The following MYRFL variants were observed in gnomAD, a reference collection of about 807,000 sequenced individuals.
MYRFL encodes myelin regulatory factor like.
A neutral mutation model predicts 109.4 loss-of-function variants in MYRFL; 88 were observed. That is an observed-to-expected ratio of 0.80 (90% CI 0.68 to 0.96). The LOEUF (loss-of-function observed/expected upper bound fraction) is 0.96. MYRFL is among the 40% of genes least tolerant of loss of function. The pLI is 0.00. For missense variants in MYRFL, 957 were observed against 954.9 expected, an observed-to-expected ratio of 1.00 and a Z score of -0.03; for synonymous variants, 324 against 320.9, an observed-to-expected ratio of 1.01 and a Z score of -0.10.
chr12:69,939,887 G>A (rs1342045747), intron 19 of MYRFL, among the ~76,000 whole-genome samples: 24 of 152,278 alleles, frequency 1.6e-4, no homozygotes, highest in Non-Finnish European at 2.1e-4. Flanking sequence ...CGAGAACTAC[G>A]TGAAGAATGC....
chr12:69,932,883 TTG>T (rs542667195), intron 16 of MYRFL, among the ~76,000 whole-genome samples: 32 of 52,670 alleles, frequency 6.1e-4, no homozygotes, highest in Admixed American at 1.0e-3. Flanking sequence ...GTGTGTGTGT[TTG>T]TGTGTGTGTG....
intron 13 of MYRFL, among the ~76,000 whole-genome samples, chr12:69,924,704 G>C (rs542516526): frequency 1.3e-5 from 2 of 152,282 alleles, no homozygotes; most frequent in South Asian, 2.1e-4. Context: ...AGGATGTATG[G>C]TAAGACTTCA....
At chr12:69,937,297 T>C (rs1469815798) in intron 19 of MYRFL, among the ~76,000 whole-genome samples, 1 of 152,034 alleles carries the variant, frequency 6.6e-6, no homozygotes, top group African/African-American at 2.4e-5. Flanking sequence ...TTATTCTATA[T>C]ATACATATTA....
At chr12:69,863,813 G>A (rs1884844712) in intron 2 of MYRFL, among the ~76,000 whole-genome samples, 1 of 152,110 alleles carries the variant, frequency 6.6e-6, no homozygotes, top group South Asian at 2.1e-4. Flanking sequence ...ACTCCCTTTA[G>A]AATTTCATTT....
In MYRFL at chr12:69,916,680, G is replaced by A. The variant is rs150192133; in HGVS notation, c.1602+5750G>A. ...TCCCACTGGCCCTTTACTGGCTACA[G>A]ACTGTTATAACCCCTCCACAATCTG... On this transcript the variant is annotated intron_variant, in intron 13 of 24. Transcript: ENST00000552032. Among the ~76,000 whole-genome samples, 923 of 152,164 alleles carry A rather than the reference G, an allele frequency of 6.1e-3. 19 individuals are homozygous for A. Among genetic ancestry groups the A allele is most frequent in the African/African-American group, 0.021 (862 of 41,502 alleles).
intron 1 of MYRFL, among the ~76,000 whole-genome samples, chr12:69,835,528 A>G (rs1400798702): frequency 6.6e-6 from 1 of 152,248 alleles, no homozygotes; most frequent in Non-Finnish European, 1.5e-5. Context: ...CTGTATTAAA[A>G]CAGTGCAAAA....
intron 15 of MYRFL, among the ~76,000 whole-genome samples, chr12:69,928,870 G>A (rs942052806): frequency 1.3e-5 from 2 of 152,226 alleles, no homozygotes; most frequent in Non-Finnish European, 2.9e-5. Context: ...GTGGGACAGA[G>A]GGAATGGTAT....
chr12:69,875,557 C>T (rs1032572950), intron 2 of MYRFL, among the ~76,000 whole-genome samples: 4 of 152,170 alleles, frequency 2.6e-5, no homozygotes, highest in African/African-American at 9.7e-5. Flanking sequence ...CCAACCCCTG[C>T]CGGTGGACTG....
At position 69,868,098 on chromosome 12, in the gene MYRFL, CT is replaced by C. The variant is rs1454241117; in HGVS notation, c.138-10920del. ...ATTTAACCCCATCAAGCCTCGGTTT[CT>C]TTTTTTTTTCTTTTTTTTTTTTTTT... is the stretch of plus-strand genomic sequence containing the variant. On this transcript the variant is annotated intron_variant, in intron 2 of 24. Coordinates refer to ENST00000552032, the MANE Select transcript of MYRFL (RefSeq NM_182530.3). Among the ~76,000 whole-genome samples the C allele has an allele frequency of 1.5e-4, 21 of 143,162 alleles. 1 individual carries two copies. The highest frequency in any genetic ancestry group is 2.2e-4 in the South Asian group (1 of 4,484). The allele number at this position is 143,162 out of a possible 152,430, so 93.9% of individuals were successfully genotyped here. A position where few individuals can be genotyped will look rare whatever the true frequency, so the allele number is the denominator to read the frequency against.
chr12:69,888,335 T>A (rs919913336), intron 6 of MYRFL, among the ~76,000 whole-genome samples: 1 of 152,218 alleles, frequency 6.6e-6, no homozygotes, highest in Non-Finnish European at 1.5e-5. Flanking sequence ...TCACTATTTA[T>A]ATCAATGAGA....
Position 69,846,591 on chromosome 12 carries a change from C to T in MYRFL, c.47-8689C>T, listed in dbSNP as rs954334558. Among the ~76,000 whole-genome samples, 120 of 152,168 alleles carry T rather than the reference C, an allele frequency of 7.9e-4. 1 individual carries two copies. The highest frequency in any genetic ancestry group is 2.9e-3 in the African/African-American group (119 of 41,524). On this transcript the variant is annotated intron_variant, in intron 1 of 24. Coordinates refer to ENST00000552032, the MANE Select transcript of MYRFL (RefSeq NM_182530.3). ...ATGTGCCACATTTTCTTAATCCAGT[C>T]TATCATTGTTGGACATTTGGGTTGG...
At chr12:69,837,880 G>C (rs754194938) in intron 1 of MYRFL, among the ~76,000 whole-genome samples, 1 of 152,080 alleles carries the variant, frequency 6.6e-6, no homozygotes, top group Non-Finnish European at 1.5e-5. Context: ...GTCTCCTATG[G>C]ACACCTGGAA....
At chr12:69,907,814 A>C (rs1338202601) in intron 11 of MYRFL, among the ~76,000 whole-genome samples, 3 of 152,204 alleles carry the variant, frequency 2.0e-5, no homozygotes, top group Admixed American at 2.0e-4. Context: ...CACTCATTGA[A>C]TCTCCAGTGC....
At chr12:69,902,977 C>A (rs1006161076) in intron 10 of MYRFL, among the ~76,000 whole-genome samples, 1 of 152,142 alleles carries the variant, frequency 6.6e-6, no homozygotes, top group Non-Finnish European at 1.5e-5. Flanking sequence ...TGGCTTTGGG[C>A]AATTTATTTA....
chr12:69,955,428 TG>T lies in MYRFL; in HGVS notation c.2443del (p.Glu815LysfsTer2). 1.6e-6 allele frequency: 1 copy of T among 643,696 alleles called. No individual in the cohort carries two copies. The highest frequency in any genetic ancestry group is 1.8e-5 in the South Asian group (1 of 55,494). The allele number at this position is 643,696 out of a possible 1,614,324, so 39.9% of individuals were successfully genotyped here. A position where few individuals can be genotyped will look rare whatever the true frequency, so the allele number is the denominator to read the frequency against. ...ACACCCACCAATGTCAAGTTCTCTC[TG>T]GAAATAAAGTAAGTGCATGGCTGTA... is the stretch of plus-strand genomic sequence containing the variant. ...KHTPTNVKFS[L>X]EINTTEPLIV... On this transcript the variant is annotated frameshift_variant, in exon 22 of 25. Transcript: ENST00000552032. LOFTEE classifies it high-confidence loss of function.
intron 6 of MYRFL, among the ~76,000 whole-genome samples, chr12:69,890,252 A>G (rs908022837): frequency 6.6e-6 from 1 of 151,660 alleles, no homozygotes; most frequent in Non-Finnish European, 1.5e-5. Flanking sequence ...TGAAATTTTG[A>G]GACTTTTTTT....
chr12:69,918,461 G>T (rs1285505580), intron 13 of MYRFL, among the ~76,000 whole-genome samples: 1 of 152,172 alleles, frequency 6.6e-6, no homozygotes, highest in Non-Finnish European at 1.5e-5. Context: ...AGGAAATGGG[G>T]AGGAGAGAGA....
At position 69,880,306 on chromosome 12, in the gene MYRFL, G is replaced by C. The variant is rs1199614349; in HGVS notation, c.556+14G>C. 1 of 702,192 alleles carries C rather than the reference G, an allele frequency of 1.4e-6. No homozygotes were observed. The highest frequency in any genetic ancestry group is 1.7e-5 in the African/African-American group (1 of 57,250). 43.5% of individuals were successfully genotyped at this position (702,192 alleles called of 1,614,324 possible). ...ACTGCAGACCGAGTGAGCAAACCTG[G>C]GTGGGAACAAGGGCGATGCCATCAA... On this transcript the variant is annotated intron_variant, in intron 5 of 24. Coordinates refer to ENST00000552032, the MANE Select transcript of MYRFL (RefSeq NM_182530.3).
At chr12:69,869,875 A>G (rs909268363) in intron 2 of MYRFL, among the ~76,000 whole-genome samples, 1 of 152,186 alleles carries the variant, frequency 6.6e-6, no homozygotes. Flanking sequence ...GGCTGCATTG[A>G]GGGCAGCATA....
Sources: allele counts gnomAD v4.1 joint callset (sites outside exome capture counted in the v4.1 genomes callset), GRCh38; gene constraint gnomAD v4.1.1; transcripts MANE v1.5; gene names NCBI Gene and HGNC (gene_info 2026-07-23, HGNC 2026-07-21).